Variants in ABLIM1 observed in about 807,000 individuals in gnomAD.
ABLIM1 encodes actin binding LIM protein 1, also known as actin-binding LIM protein 1.
A neutral mutation model predicts 107.0 loss-of-function variants in ABLIM1; 40 were observed. The observed-to-expected ratio is 0.37, with a 90% CI of 0.29 to 0.49. The LOEUF (loss-of-function observed/expected upper bound fraction) is 0.49. ABLIM1 is among the 20% of genes least tolerant of loss of function. ABLIM1 has a pLI of 0.97. For synonymous variants in ABLIM1, 357 were observed against 357.3 expected (o/e 1.00, Z 0.01); for missense variants, 857 against 1,008.5 (o/e 0.85, Z 2.04).
At chr10:114,776,406 G>T in the ABLIM1 span, among the ~76,000 whole-genome samples, 707 of 151,990 alleles carry the variant, frequency 4.7e-3, 10 homozygotes, top group African/African-American at 0.016. Flanking sequence ...CAAGGTCAGG[G>T]GTTTGAGACC....
At chr10:114,764,814 C>T (rs1289023979) in intron 1 of ABLIM1, 2 of 152,356 alleles carry the variant, frequency 1.3e-5, no homozygotes, top group Non-Finnish European at 2.9e-5. Flanking sequence ...ACAGTAACTC[C>T]TCTGGCCCTT....
At chr10:114,621,406 C>G (rs989853863) in intron 1 of ABLIM1, among the ~76,000 whole-genome samples, 6 of 152,080 alleles carry the variant, frequency 3.9e-5, no homozygotes, top group Admixed American at 3.9e-4. Context: ...AAAAATTTCC[C>G]AAATAAGAAT....
chr10:114,646,325 A>G (rs2079011672), intron 1 of ABLIM1, among the ~76,000 whole-genome samples: 1 of 152,262 alleles, frequency 6.6e-6, no homozygotes, highest in Admixed American at 6.5e-5. Context: ...GCATTCAGCC[A>G]TAGCATCCAC....
At chr10:114,766,861 T>G (rs2082906991) in intron 1 of ABLIM1, among the ~76,000 whole-genome samples, 1 of 152,206 alleles carries the variant, frequency 6.6e-6, no homozygotes, top group African/African-American at 2.4e-5. Flanking sequence ...TTTCGTTCTC[T>G]AATATACGTG....
intron 8 of ABLIM1, 35 bp downstream of exon 8, chr10:114,487,923 A>C: frequency 6.2e-7 from 1 of 1,611,594 alleles, no homozygotes; most frequent in Non-Finnish European, 8.5e-7. Flanking sequence ...TGGCCTACAA[A>C]TGCAGCTGGC....
intron 1 of ABLIM1, among the ~76,000 whole-genome samples, chr10:114,653,980 G>C (rs1248173581): frequency 6.6e-6 from 1 of 152,244 alleles, no homozygotes; most frequent in East Asian, 1.9e-4. Context: ...CTCAAAGCAG[G>C]GATTGAGCAC....
chr10:114,714,021 C>T (rs1407755908), intron 1 of ABLIM1, among the ~76,000 whole-genome samples: 1 of 152,184 alleles, frequency 6.6e-6, no homozygotes, highest in Non-Finnish European at 1.5e-5. Context: ...AATCATCTCC[C>T]AGAAATACCT....
At chr10:114,792,480 G>T in the ABLIM1 span, among the ~76,000 whole-genome samples, 2 of 152,148 alleles carry the variant, frequency 1.3e-5, no homozygotes, top group Admixed American at 1.3e-4. Flanking sequence ...TCATTTAATA[G>T]ATATCAAGAA....
chr10:114,622,730 C>A (rs1051583585), intron 1 of ABLIM1, among the ~76,000 whole-genome samples: 2 of 152,168 alleles, frequency 1.3e-5, no homozygotes, highest in African/African-American at 4.8e-5. Context: ...TCTGCCACCC[C>A]TGAGACAGCA....
At chr10:114,747,244 G>A (rs1298703239) in intron 1 of ABLIM1, among the ~76,000 whole-genome samples, 3 of 152,188 alleles carry the variant, frequency 2.0e-5, no homozygotes, top group Non-Finnish European at 4.4e-5. Flanking sequence ...AGACAGAAAA[G>A]TGAAGTGGGC....
intron 5 of ABLIM1, among the ~76,000 whole-genome samples, chr10:114,545,381 A>G (rs11196784): frequency 0.41 from 61,906 of 152,114 alleles, 13,834 homozygotes; most frequent in Non-Finnish European, 0.51. Context: ...AGAGCTAACT[A>G]GCAGAAAGCC....
At chr10:114,704,302 CTATATATATATATATATATA>C (rs369952218) in intron 1 of ABLIM1, among the ~76,000 whole-genome samples, 3 of 43,090 alleles carry the variant, frequency 7.0e-5, no homozygotes, top group South Asian at 1.3e-3. Context: ...CTCTCTCTCT[CTATATATATATATATATATA>C]TATATATATA....
intron 6 of ABLIM1, among the ~76,000 whole-genome samples, chr10:114,517,977 T>G (rs1053873024): frequency 1.4e-4 from 22 of 152,168 alleles, no homozygotes; most frequent in Non-Finnish European, 2.4e-4. Context: ...TACTTTTTTT[T>G]TTTGGTATTT....
chr10:114,662,805 G>A (rs1329501416), upstream of ABLIM1, among the ~76,000 whole-genome samples: 2 of 152,206 alleles, frequency 1.3e-5, no homozygotes, highest in East Asian at 1.9e-4. Flanking sequence ...GGACTGAAGC[G>A]TAATTAGTTT....
At chr10:114,714,529 G>C (rs1045772744) in intron 1 of ABLIM1, among the ~76,000 whole-genome samples, 1 of 152,180 alleles carries the variant, frequency 6.6e-6, no homozygotes, top group Non-Finnish European at 1.5e-5. Context: ...TGTGACTGAG[G>C]TTACCAACAG....
rs368565947 is a variant in ABLIM1 at position 114,707,762 on chromosome 10, G to T, written c.-213+60299C>A. 1.7e-4 allele frequency among the ~76,000 whole-genome samples: 26 copies of T among 152,140 alleles called. No homozygotes were observed. In the East Asian group the frequency reaches 3.7e-3, roughly 22 times the overall value. On this transcript the variant is annotated intron_variant, in intron 1 of 15. Coordinates refer to the ABLIM1 transcript ENST00000651092. This position sits in a 1 kb window ranked among gnomAD's most constrained non-coding sequence, Gnocchi z 4.1. ...CTAAAAATACAAAAATTAGCCAGGC[G>T]TGGTGGCGGGTGCCTGTCATCCCAG...
At chr10:114,451,725 G>A (rs1262717822) in intron 13 of ABLIM1, 54 bp from the exon 14 acceptor site, 10 of 1,455,470 alleles carry the variant, frequency 6.9e-6, no homozygotes, top group Non-Finnish European at 9.4e-6. Flanking sequence ...TCAGCGATGG[G>A]AAAAACAGAT....
the ABLIM1 span, among the ~76,000 whole-genome samples, chr10:114,777,731 G>A: frequency 6.6e-6 from 1 of 152,188 alleles, no homozygotes; most frequent in East Asian, 1.9e-4. Flanking sequence ...CAAGCACCAA[G>A]AGTCCCTCTA....
chr10:114,723,585 ACT>A (rs1461536340), intron 1 of ABLIM1, among the ~76,000 whole-genome samples: 1 of 151,966 alleles, frequency 6.6e-6, no homozygotes, highest in Non-Finnish European at 1.5e-5. Context: ...TTATTGGCTG[ACT>A]CTTGCCCATC....
Sources: gnomAD v4.1 joint callset for allele counts (sites outside exome capture counted in the v4.1 genomes callset) on GRCh38, gnomAD v4.1.1 for gene constraint, Gnocchi (gnomAD v3.1) non-coding constraint, MANE v1.5 for transcripts, NCBI Gene and HGNC (gene_info 2026-07-23, HGNC 2026-07-21) for gene names.